Variants in KATNIP observed in about 807,000 individuals in gnomAD.
KATNIP encodes the protein katanin-interacting protein.
Under a neutral mutation model 174.0 loss-of-function variants are expected in KATNIP, and 126 were observed. The observed-to-expected ratio is 0.72, with a 90% CI of 0.63 to 0.84. The LOEUF is 0.84. Among genes scored for constraint, KATNIP ranks in the 40% least tolerant of loss-of-function variants. The probability of loss-of-function intolerance (pLI) is 0.00; values close to 1 mark genes in which losing one functional copy is unlikely to be tolerated. For missense variants in KATNIP, 1,958 were observed against 2,109.7 expected (o/e 0.93, Z 1.41); for synonymous variants, 810 against 835.7 (o/e 0.97, Z 0.53).
intron 3 of KATNIP, 112 bp from the exon 4 acceptor site, chr16:27,628,549 G>A (rs558309101): frequency 2.4e-5 from 28 of 1,165,974 alleles, no homozygotes; most frequent in Non-Finnish European, 3.0e-5. Flanking sequence ...CGCCCCCTGG[G>A]CTCTGATTAG....
In KATNIP at chr16:27,773,175, C is replaced by A; in HGVS notation, c.4275C>A (p.Asp1425Glu). 1 of 1,611,866 alleles carries A rather than the reference C, an allele frequency of 6.2e-7. No homozygotes were observed. The highest frequency in any genetic ancestry group is 2.2e-5 in the East Asian group (1 of 44,874). Residue 1425 changes from aspartate (D) to glutamate (E), a missense_variant, in exon 23 of 28, where the codon GAC becomes GAA. Around this residue, in one of 3 missense-constraint regions of KATNIP, gnomAD observed 383 missense variants for 456.0 expected, o/e 0.84. Transcript: ENST00000261588. ...YIGLTGLELYDERGEKIPLSE... is the reference protein window; with the variant it reads ...YIGLTGLELYEERGEKIPLSE... ...GCCTCACCGGCCTGGAGCTGTATGA[C>A]GAGCGAGGAGAAAAAATCCCCTTGT...
chr16:27,753,286 T>G (rs2081587572), intron 17 of KATNIP, among the ~76,000 whole-genome samples: 1 of 152,196 alleles, frequency 6.6e-6, no homozygotes, highest in Non-Finnish European at 1.5e-5. Flanking sequence ...TCAGATGTGT[T>G]CAAACCTTTT....
intron 13 of KATNIP, among the ~76,000 whole-genome samples, chr16:27,720,660 C>G (rs2080188650): frequency 6.6e-6 from 1 of 151,992 alleles, no homozygotes; most frequent in South Asian, 2.1e-4. Context: ...AGGTAGGCAC[C>G]AAGCTTGGGG....
At position 27,740,508 on chromosome 16, in the gene KATNIP, A is replaced by C. The variant is rs769879173; in HGVS notation, c.2211A>C (p.Glu737Asp). The C allele has an allele frequency of 6.2e-7, 1 of 1,614,170 alleles. No homozygotes were observed. Among genetic ancestry groups the C allele is most frequent in the Non-Finnish European group, 8.5e-7 (1 of 1,180,036 alleles). Residue 737 changes from glutamate to aspartate, a missense_variant, in exon 15 of 28, where the codon GAA becomes GAC. Glu to Asp is a conservative substitution (Grantham distance 45). Around this residue, in one of 3 missense-constraint regions of KATNIP, gnomAD observed 1,557 missense variants for 1,617.8 expected, o/e 0.96. Transcript: ENST00000261588. ...AGCCCTCTCTCATCCAACAACTGGA[A>C]AACCTCATGGGCAGAAAAATCTGTG... ...HEEPSLIQQL[E>D]NLMGRKICEP...
chr16:27,690,226 G>A (rs2078666867), intron 8 of KATNIP, among the ~76,000 whole-genome samples: 1 of 151,926 alleles, frequency 6.6e-6, no homozygotes, highest in Non-Finnish European at 1.5e-5. Flanking sequence ...GAGGCAAGAG[G>A]ATGACTTGAG....
rs1371453115 is a variant in KATNIP at position 27,740,771 on chromosome 16, G to C, written c.2474G>C (p.Arg825Thr). ...AGCCGGAGTGTCAACACCAAGGAGA[G>C]ACCCCAGAGGGCAACCACCAAAGTC... ...GTSRSVNTKE[R>T]PQRATTKVHS... Residue 825 changes from arginine to threonine, a missense_variant, in exon 15 of 28, where the codon AGA (arginine) becomes ACA (threonine). This residue lies in a region of KATNIP where 1,557 missense variants were observed against 1,617.8 expected (regional missense o/e 0.96). Coordinates refer to ENST00000261588, the MANE Select transcript of KATNIP (RefSeq NM_015202.5). The C allele has an allele frequency of 6.2e-7, 1 of 1,614,210 alleles. No individual in the cohort carries two copies. Among genetic ancestry groups the C allele is most frequent in the South Asian group, 1.1e-5 (1 of 91,078 alleles).
rs77046145 is a variant in KATNIP at position 27,737,930 on chromosome 16, C to T, written c.1744-2111C>T. 2.0e-3 allele frequency among the ~76,000 whole-genome samples: 297 copies of T among 152,008 alleles called. 1 individual carries two copies. Among genetic ancestry groups the T allele is most frequent in the African/African-American group, 6.5e-3 (268 of 41,446 alleles). On this transcript the variant is annotated intron_variant, in intron 14 of 27. Coordinates refer to ENST00000261588, the MANE Select transcript of KATNIP (RefSeq NM_015202.5). ...GCCCGTCACCCTAGTTACAGGTGCC[C>T]GGGCCAGGTGGGTTCCATGTGGAGG...
At chr16:27,609,378 CTTTTTTTTTTT>C (rs35339029) in intron 2 of KATNIP, among the ~76,000 whole-genome samples, 5 of 55,602 alleles carry the variant, frequency 9.0e-5, no homozygotes, top group East Asian at 7.4e-4. Flanking sequence ...TGAGTTAAGT[CTTTTTTTTTTT>C]TTTTTTTTTT....
At chr16:27,771,467 GC>G in intron 21 of KATNIP, 120 bp from the exon 22 acceptor site, 1 of 854,334 alleles carries the variant, frequency 1.2e-6, no homozygotes, top group East Asian at 2.7e-5. Flanking sequence ...TCTTTTCCCT[GC>G]TGCATCCTAG....
intron 2 of KATNIP, among the ~76,000 whole-genome samples, chr16:27,591,546 G>A (rs2075166837): frequency 6.6e-6 from 1 of 152,122 alleles, no homozygotes; most frequent in Admixed American, 6.6e-5. Context: ...CCTTGGTCAA[G>A]TCACTTCACC....
At chr16:27,584,965 G>A (rs943248780) in intron 2 of KATNIP, among the ~76,000 whole-genome samples, 1 of 152,156 alleles carries the variant, frequency 6.6e-6, no homozygotes, top group Non-Finnish European at 1.5e-5. Context: ...CCTGTGTTAT[G>A]TGCACCCTGG....
At chr16:27,699,430 G>A in intron 9 of KATNIP, 104 bp from the exon 10 acceptor site, 1 of 1,529,842 alleles carries the variant, frequency 6.5e-7, no homozygotes, top group Middle Eastern at 1.7e-4. Context: ...ATCTATGGTA[G>A]CTTGAGAAGG....
At position 27,708,911 on chromosome 16, in the gene KATNIP, GA is replaced by G; in HGVS notation, c.1598del (p.Asn533ThrfsTer2). 4 of 1,612,122 alleles carry G rather than the reference GA, an allele frequency of 2.5e-6. No individual in the cohort carries two copies. Among genetic ancestry groups the G allele is most frequent in the Non-Finnish European group, 3.4e-6 (4 of 1,179,224 alleles). On this transcript the variant is annotated frameshift_variant, in exon 13 of 28. Transcript: ENST00000261588. LOFTEE classifies it high-confidence loss of function. ...GGGAGCTGGGCCGCCTCGTCAACAG[GA>G]ACTTAGCTGTGAGTGGAAGGGGCAC... ...PGELGRLVNRNLAGKKDSSPW... is the reference protein window; with the variant it reads ...PGELGRLVNRXLAGKKDSSPW...
intron 1 of KATNIP, among the ~76,000 whole-genome samples, chr16:27,553,434 C>T (rs991361219): frequency 6.6e-6 from 1 of 152,126 alleles, no homozygotes; most frequent in East Asian, 1.9e-4. Flanking sequence ...GCCAAATTCC[C>T]AAGACTGAAT....
intron 19 of KATNIP, among the ~76,000 whole-genome samples, chr16:27,763,872 TGGCTGCATCTCTATGGTATTGTTTA>T (rs2082036603): frequency 6.6e-6 from 1 of 152,322 alleles, no homozygotes; most frequent in Middle Eastern, 3.4e-3. Flanking sequence ...TGAATTTTAC[TGGCTGCATCTCTATGGTATTGTTTA>T]GTCTGCTCCT....
chr16:27,750,099 G>A lies in KATNIP; in HGVS notation c.3139G>A (p.Val1047Ile), dbSNP rs774087683. Residue 1047 changes from valine to isoleucine, a missense_variant, in exon 16 of 28, where the codon GTC becomes ATC. Physicochemically the swap from Val to Ile is conservative, Grantham distance 29 (BLOSUM62 3). Around this residue, in one of 3 missense-constraint regions of KATNIP, gnomAD observed 1,557 missense variants for 1,617.8 expected, o/e 0.96. Coordinates refer to ENST00000261588, the MANE Select transcript of KATNIP (RefSeq NM_015202.5). ...GVNRTQDDMH[V>I]WLAPFTRGRS... is the part of the protein sequence containing the mutation. ...GAACAGGACCCAGGATGACATGCAT[G>A]TCTGGCTGGCCCCCTTCACGCGGGG... is the stretch of plus-strand genomic sequence containing the variant. The A allele has an allele frequency of 3.1e-6, 5 of 1,614,078 alleles. No homozygotes were observed. The African/African-American group carries it at 6.7e-5, about 22-fold the overall frequency.
chr16:27,576,825 G>A (rs1466461972), intron 2 of KATNIP, among the ~76,000 whole-genome samples: 1 of 152,178 alleles, frequency 6.6e-6, no homozygotes, highest in Non-Finnish European at 1.5e-5. Context: ...AAGGCAAGGA[G>A]AAGACCAGCT....
chr16:27,651,370 G>T (rs1390721381), intron 6 of KATNIP, among the ~76,000 whole-genome samples: 2 of 151,746 alleles, frequency 1.3e-5, no homozygotes, highest in African/African-American at 4.8e-5. Context: ...AAGTGTAAGA[G>T]TAAAATGGCA....
intron 17 of KATNIP, among the ~76,000 whole-genome samples, 191 bp from the exon 18 acceptor site, chr16:27,753,982 C>T (rs2081615335): frequency 1.3e-5 from 2 of 152,188 alleles, no homozygotes; most frequent in South Asian, 4.1e-4. Flanking sequence ...GATGCAGACC[C>T]TGGAGGGTCA....
Sources: gnomAD v4.1 joint callset for allele counts (sites outside exome capture counted in the v4.1 genomes callset) on GRCh38, gnomAD v4.1.1 for gene constraint, gnomAD v4.1.1 regional missense constraint, MANE v1.5 for transcripts, NCBI Gene and HGNC (gene_info 2026-07-23, HGNC 2026-07-21) for gene names.